CYP2R1: variants seen among roughly 807,000 people sequenced by gnomAD.
The protein encoded by CYP2R1 is vitamin D 25-hydroxylase.
In CYP2R1, 40 loss-of-function variants were observed where a neutral mutation model predicts 45.7. The ratio of observed to expected loss-of-function variants is 0.87; its 90% CI spans 0.68 to 1.14. The LOEUF (loss-of-function observed/expected upper bound fraction) is 1.14. Ranked by LOEUF, CYP2R1 falls within the 50% of genes most tolerant of loss-of-function variation. The pLI is 0.00. For missense variants in CYP2R1, 605 were observed against 602.6 expected, an observed-to-expected ratio of 1.00 and a Z score of -0.04; for synonymous variants, 234 against 219.3, an observed-to-expected ratio of 1.07 and a Z score of -0.59.
chr11:14,886,993 T>C (rs1444645162), intron 1 of CYP2R1: 1 of 152,168 alleles, frequency 6.6e-6, no homozygotes, highest in Non-Finnish European at 1.5e-5. Context: ...TCCAGAACCT[T>C]GGGAAAAGAA....
At chr11:14,883,241 A>G (rs1430916559) in intron 2 of CYP2R1, among the ~76,000 whole-genome samples, 6 of 151,484 alleles carry the variant, frequency 4.0e-5, no homozygotes, top group Non-Finnish European at 7.4e-5. Flanking sequence ...TCCTAAGCCA[A>G]AAGAACAAAG....
intron 2 of CYP2R1, among the ~76,000 whole-genome samples, chr11:14,883,242 A>G (rs1375420755): frequency 6.6e-6 from 1 of 151,530 alleles, no homozygotes; most frequent in African/African-American, 2.4e-5. Context: ...CCTAAGCCAA[A>G]AGAACAAAGC....
rs1555017282 is a variant in CYP2R1, at chr11:14,892,070, G to T, written c.136C>A (p.Leu46Met). The T allele has an allele frequency of 6.2e-7, 1 of 1,611,752 alleles. No individual in the cohort carries two copies. The highest frequency in any genetic ancestry group is 1.3e-5 in the African/African-American group (1 of 75,030). Residue 46 changes from leucine to methionine, a missense_variant, in exon 1 of 5, where the codon CTG (leucine) becomes ATG (methionine). Leu to Met is a conservative substitution (Grantham distance 15). Coordinates refer to ENST00000334636, the MANE Select transcript of CYP2R1 (RefSeq NM_024514.5). ...PMGFPPGPPG[L>M]PFIGNIYSLA... Reference sequence around the variant, plus strand: ...GAATAGATGTTGCCGATAAATGGCAGCCCCGGCGGCCCCGGGGGGAAGCCC... The same window carrying T: ...GAATAGATGTTGCCGATAAATGGCATCCCCGGCGGCCCCGGGGGGAAGCCC...
At chr11:14,882,105 C>G (rs1293646397) in intron 2 of CYP2R1, among the ~76,000 whole-genome samples, 1 of 152,044 alleles carries the variant, frequency 6.6e-6, no homozygotes, top group Non-Finnish European at 1.5e-5. Flanking sequence ...TCTATACTCC[C>G]AGATGACTAT....
chr11:14,882,607 G>T lies in CYP2R1; in HGVS notation c.368-1839C>A, dbSNP rs541219765. Among the ~76,000 whole-genome samples, 15 of 152,240 alleles carry T rather than the reference G, an allele frequency of 9.9e-5. No homozygotes were observed. In the East Asian group the frequency reaches 2.7e-3, roughly 27 times the overall value. ...CACACAGTGGGCTAATAGTGGCCAT[G>T]ATTTTCTACTTCCAAGGTCAGTACA... On this transcript the variant is annotated intron_variant, in intron 2 of 4. Coordinates refer to ENST00000334636, the MANE Select transcript of CYP2R1 (RefSeq NM_024514.5).
At chr11:14,890,534 A>ATTC (rs1565189373) in intron 1 of CYP2R1, 2 of 170,268 alleles carry the variant, frequency 1.2e-5, no homozygotes, top group Non-Finnish European at 1.6e-5. Flanking sequence ...ACCTAGACCA[A>ATTC]TTCTTTTTTT....
chr11:14,878,333 C>A (rs1342952129), intron 4 of CYP2R1, 36 bp from the exon 5 acceptor site: 1 of 1,597,916 alleles, frequency 6.3e-7, no homozygotes, highest in Non-Finnish European at 8.6e-7. Context: ...ATTTTTTAAA[C>A]CCACAATCTT....
At position 14,892,157 on chromosome 11, in the gene CYP2R1, C is replaced by T. The variant is rs782643124; in HGVS notation, c.49G>A (p.Ala17Thr). ...AGCGCGAAGAGCAGCAGGAAGAGCGCGCCGCCGAGCGCCGCCGCGCCCTCT... is the reference window on the plus strand; with the variant it reads ...AGCGCGAAGAGCAGCAGGAAGAGCGTGCCGCCGAGCGCCGCCGCGCCCTCT... ...AEEGAAALGGALFLLLFALGV... is the reference protein window; with the variant it reads ...AEEGAAALGGTLFLLLFALGV... Residue 17 changes from alanine to threonine, a missense_variant, in exon 1 of 5, where the codon GCG becomes ACG. Ala to Thr is a moderately conservative substitution (Grantham distance 58, BLOSUM62 0). Coordinates refer to ENST00000334636, the MANE Select transcript of CYP2R1 (RefSeq NM_024514.5). The T allele has an allele frequency of 4.3e-6, 7 of 1,610,486 alleles. No individual in the cohort carries two copies. Among genetic ancestry groups the T allele is most frequent in the Non-Finnish European group, 5.9e-6 (7 of 1,179,726 alleles).
At chr11:14,881,834 T>G (rs1346310640) in intron 2 of CYP2R1, among the ~76,000 whole-genome samples, 1 of 151,732 alleles carries the variant, frequency 6.6e-6, no homozygotes, top group Non-Finnish European at 1.5e-5. Context: ...CTATAAAGTG[T>G]GCAGAACCAT....
At chr11:14,887,639 C>G (rs1441225705) in intron 1 of CYP2R1, 21 of 985,218 alleles carry the variant, frequency 2.1e-5, no homozygotes, top group Non-Finnish European at 2.3e-5. Flanking sequence ...CCTTCTAGAT[C>G]ACTCCATGAT....
intron 2 of CYP2R1, among the ~76,000 whole-genome samples, chr11:14,884,716 T>C (rs965812648): frequency 8.6e-5 from 13 of 151,774 alleles, no homozygotes; most frequent in Middle Eastern, 3.4e-3. Flanking sequence ...AAAAAAGAAA[T>C]AAAAAAACAC....
intron 3 of CYP2R1, 22 bp from the exon 4 acceptor site, chr11:14,879,465 A>T: frequency 6.4e-7 from 1 of 1,562,992 alleles, no homozygotes; most frequent in South Asian, 1.1e-5. Flanking sequence ...AAAGTATTCA[A>T]GTTATTATGC....
Position 14,880,264 on chromosome 11 carries a change from G to A in CYP2R1, c.872C>T (p.Pro291Leu). The A allele has an allele frequency of 3.1e-6, 5 of 1,613,050 alleles. No individual in the cohort carries two copies. The highest frequency in any genetic ancestry group is 2.2e-5 in the South Asian group (2 of 91,042). Residue 291 changes from proline (P) to leucine (L), a missense_variant, in exon 3 of 5, where the codon CCA becomes CTA. Pro to Leu is a moderately conservative substitution (Grantham distance 98). Coordinates refer to ENST00000334636, the MANE Select transcript of CYP2R1 (RefSeq NM_024514.5). ...GTTTTCTTTGGAGAAAGTAGATGAT[G>A]GGTCATTTTTACCTTGATCCATCTC... ...LDEMDQGKNDPSSTFSKENLI... is the reference protein window; with the variant it reads ...LDEMDQGKNDLSSTFSKENLI...
At position 14,879,330 on chromosome 11, in the gene CYP2R1, A is replaced by G; in HGVS notation, c.1114T>C (p.Cys372Arg). The G allele has an allele frequency of 6.2e-7, 1 of 1,613,044 alleles. No individual in the cohort carries two copies. The highest frequency in any genetic ancestry group is 2.2e-5 in the East Asian group (1 of 44,862). Reference sequence around the variant, plus strand: ...AAAATCCCTAATGGAACTATATTACAGAATCTTAAAACTTCATGCAAAACT... The same window carrying G: ...AAAATCCCTAATGGAACTATATTACGGAATCTTAAAACTTCATGCAAAACT... ...EAVLHEVLRF[C>R]NIVPLGIFHA... The change falls in exon 4 of 5, where the codon TGT (cysteine) becomes CGT (arginine). Residue 372 changes from cysteine (C) to arginine (R), a missense_variant. Physicochemically the swap from Cys to Arg is radical, Grantham distance 180. Coordinates refer to ENST00000334636, the MANE Select transcript of CYP2R1 (RefSeq NM_024514.5).
chr11:14,891,440 C>T (rs1304449768), intron 1 of CYP2R1: 1 of 985,792 alleles, frequency 1.0e-6, no homozygotes, highest in Non-Finnish European at 1.2e-6. Flanking sequence ...TCCCAGGGCC[C>T]GCTTCTCAGT....
At chr11:14,882,515 C>T (rs920027297) in intron 2 of CYP2R1, among the ~76,000 whole-genome samples, 1 of 152,134 alleles carries the variant, frequency 6.6e-6, no homozygotes, top group African/African-American at 2.4e-5. Context: ...TATAAAAACC[C>T]TACACTGGCC....
Position 14,878,273 on chromosome 11 carries a change from T to G in CYP2R1, c.1355A>C (p.His452Pro). 1 of 1,613,088 alleles carries G rather than the reference T, an allele frequency of 6.2e-7. No individual in the cohort carries two copies. The highest frequency in any genetic ancestry group is 8.5e-7 in the Non-Finnish European group (1 of 1,179,376). Residue 452 changes from histidine to proline, a missense_variant, in exon 5 of 5, where the codon CAC becomes CCC. Physicochemically the swap from His to Pro is moderately conservative, Grantham distance 77. Transcript: ENST00000334636. Reference sequence around the variant, plus strand: ...CAAGAACATTTCCATCCGAGCCAAGTGTTCTCCAAGACAATGTCTTCTTCC... The same window carrying G: ...CAAGAACATTTCCATCCGAGCCAAGGGTTCTCCAAGACAATGTCTTCTTCC... Reference protein sequence around the residue: ...SLGRRHCLGEHLARMEMFLFF... With the variant: ...SLGRRHCLGEPLARMEMFLFF...
At chr11:14,891,623 C>A in intron 1 of CYP2R1, 2 of 1,079,440 alleles carry the variant, frequency 1.9e-6, no homozygotes, top group South Asian at 2.9e-5. Context: ...GCAAGACGCC[C>A]GCACCTGAGG....
chr11:14,878,578 CA>C (rs1466163957), intron 4 of CYP2R1, among the ~76,000 whole-genome samples: 1 of 152,090 alleles, frequency 6.6e-6, no homozygotes, highest in Admixed American at 6.6e-5. Context: ...AGATATGCCA[CA>C]AAAGATCTAA....
Sources: allele counts gnomAD v4.1 joint callset (sites outside exome capture counted in the v4.1 genomes callset), GRCh38; gene constraint gnomAD v4.1.1; transcripts MANE v1.5; gene names NCBI Gene and HGNC (gene_info 2026-07-23, HGNC 2026-07-21).